Variants in MROH1 observed in about 807,000 individuals in gnomAD.
The protein encoded by MROH1 is maestro heat-like repeat-containing protein family member 1.
In MROH1, 117 loss-of-function variants were observed where a neutral mutation model predicts 116.5. The ratio of observed to expected loss-of-function variants is 1.00; its 90% CI spans 0.86 to 1.17. The LOEUF (loss-of-function observed/expected upper bound fraction) is 1.17, where lower values mean the gene tolerates loss of function less well. Ranked by LOEUF, MROH1 falls within the 50% of genes most tolerant of loss-of-function variation. MROH1 has a pLI of 0.00. For missense variants in MROH1, 1,873 were observed against 1,338.5 expected, an observed-to-expected ratio of 1.40 and a Z score of -6.23; for synonymous variants, 921 against 583.9, an observed-to-expected ratio of 1.58 and a Z score of -8.32.
intron 4 of MROH1, among the ~76,000 whole-genome samples, chr8:144,170,393 C>T (rs892590070): frequency 4.6e-5 from 7 of 152,212 alleles, no homozygotes; most frequent in African/African-American, 1.7e-4. Flanking sequence ...GAAGCACTGA[C>T]CCTGTGGGCT....
rs544441490 is a variant in MROH1, at chr8:144,173,304, C to T, written c.168+4864C>T. 6.5e-4 allele frequency among the ~76,000 whole-genome samples: 98 copies of T among 151,810 alleles called. 4 individuals carry two copies. The highest frequency in any genetic ancestry group is 5.9e-4 in the Admixed American group (9 of 15,238). ...TGTAGTTTTAGTAGAGATTGGGTTT[C>T]GCCATGTTGGCCAGGTTGGTCATGA... On this transcript the variant is annotated intron_variant, in intron 4 of 43. Coordinates refer to ENST00000326134, the MANE Select transcript of MROH1 (RefSeq NM_032450.3).
At chr8:144,261,253 G>A (rs896179138) in intron 42 of MROH1, 31 bp from the exon 43 acceptor site, 6,634 of 529,132 alleles carry the variant, frequency 0.013, 39 homozygotes, top group Middle Eastern at 0.022. Flanking sequence ...CACGCCGCCC[G>A]GCAGCCCCGC....
chr8:144,232,470 G>A (rs145605495), intron 14 of MROH1, among the ~76,000 whole-genome samples: 6,955 of 148,196 alleles, frequency 0.047, 590 homozygotes, highest in African/African-American at 0.17. Context: ...TGCTTTGTTT[G>A]TTTGTTTATT....
chr8:144,183,257 C>T (rs1417443815), intron 7 of MROH1, among the ~76,000 whole-genome samples: 1 of 150,836 alleles, frequency 6.6e-6, no homozygotes, highest in Non-Finnish European at 1.5e-5. Flanking sequence ...TAGCACATGC[C>T]TGTATTCCAG....
At chr8:144,156,241 G>GAAAA (rs1218482716) in intron 1 of MROH1, among the ~76,000 whole-genome samples, 1 of 58,492 alleles carries the variant, frequency 1.7e-5, no homozygotes, top group Non-Finnish European at 4.3e-5. Flanking sequence ...CCGTCTCAAA[G>GAAAA]AAAAAAAAAA....
intron 14 of MROH1, among the ~76,000 whole-genome samples, chr8:144,231,865 G>GTCA (rs1838954860): frequency 6.6e-6 from 1 of 152,214 alleles, no homozygotes; most frequent in Non-Finnish European, 1.5e-5. Flanking sequence ...GTGAAACAAC[G>GTCA]TCACGCCCGA....
chr8:144,226,257 C>T (rs73368466), intron 14 of MROH1, among the ~76,000 whole-genome samples: 1,974 of 152,038 alleles, frequency 0.013, 44 homozygotes, highest in African/African-American at 0.045. Context: ...GTTTGAGGCT[C>T]GTTTTTTTGC....
chr8:144,209,197 T>A (rs1312492477), intron 12 of MROH1, among the ~76,000 whole-genome samples: 3 of 152,036 alleles, frequency 2.0e-5, no homozygotes, highest in African/African-American at 7.3e-5. Context: ...GTTTCTCAGT[T>A]GTTTTAGTTT....
At chr8:144,236,679 G>A (rs992832284) in intron 14 of MROH1, among the ~76,000 whole-genome samples, 13 of 151,648 alleles carry the variant, frequency 8.6e-5, no homozygotes, top group African/African-American at 3.1e-4. Flanking sequence ...GGAGGCAGAG[G>A]TTGCAGTGAG....
chr8:144,248,747 G>T, intron 31 of MROH1, 130 bp from the exon 32 acceptor site: 3 of 696,226 alleles, frequency 4.3e-6, no homozygotes, highest in Non-Finnish European at 8.0e-6. Flanking sequence ...AGGGCCCAGC[G>T]GCTGGGGCCC....
At chr8:144,176,965 C>G (rs1431023888) in intron 4 of MROH1, among the ~76,000 whole-genome samples, 1 of 152,152 alleles carries the variant, frequency 6.6e-6, no homozygotes, top group Non-Finnish European at 1.5e-5. Context: ...CCCCACCTGC[C>G]TCACTCTTGC....
chr8:144,151,381 G>A (rs1204439023), intron 1 of MROH1, among the ~76,000 whole-genome samples: 1 of 152,068 alleles, frequency 6.6e-6, no homozygotes, highest in African/African-American at 2.4e-5. Flanking sequence ...CACGCCAGTG[G>A]AAGAACACAC....
At chr8:144,178,811 T>C (rs1824784174) in intron 4 of MROH1, among the ~76,000 whole-genome samples, 1 of 152,180 alleles carries the variant, frequency 6.6e-6, no homozygotes, top group Admixed American at 6.5e-5. Context: ...GGGTCCCAGC[T>C]TTCAGTCCCA....
intron 14 of MROH1, among the ~76,000 whole-genome samples, chr8:144,236,646 G>A (rs1015699095): frequency 1.3e-5 from 2 of 151,858 alleles, no homozygotes; most frequent in Non-Finnish European, 2.9e-5. Flanking sequence ...GGGAGGCTGA[G>A]GGAGGAGAAT....
At chr8:144,154,428 G>A (rs1184363582) in intron 1 of MROH1, among the ~76,000 whole-genome samples, 1 of 151,984 alleles carries the variant, frequency 6.6e-6, no homozygotes, top group Non-Finnish European at 1.5e-5. Context: ...ACTTTGTATG[G>A]GTCCCATGGT....
rs1588563692 is a variant in MROH1 at position 144,259,938 on chromosome 8, C to T, written c.4072C>T (p.Leu1358Phe). ...GCTGAACAGCAACGTGGCCAACGACCTCATGCTCTTGGACTCGCTGCTGGA... is the reference window on the plus strand; with the variant it reads ...GCTGAACAGCAACGTGGCCAACGACTTCATGCTCTTGGACTCGCTGCTGGA... ...ELLNSNVANDLMLLDSLLESL... is the reference protein window; with the variant it reads ...ELLNSNVANDFMLLDSLLESL... The change falls in exon 38 of 44, where the codon CTC becomes TTC. Residue 1358 changes from leucine to phenylalanine, a missense_variant. Leu to Phe is a conservative substitution (Grantham distance 22). Coordinates refer to ENST00000326134, the MANE Select transcript of MROH1 (RefSeq NM_032450.3). 2.7e-6 allele frequency: 2 copies of T among 743,438 alleles called. No homozygotes were observed. Among genetic ancestry groups the T allele is most frequent in the Non-Finnish European group, 2.5e-6 (1 of 400,088 alleles). The allele number at this position is 743,438 out of a possible 1,614,324, so 46.1% of individuals were successfully genotyped here.
chr8:144,163,934 C>T lies in MROH1; in HGVS notation c.22+86C>T. 1 of 1,439,012 alleles carries T rather than the reference C, an allele frequency of 6.9e-7. No homozygotes were observed. The highest frequency in any genetic ancestry group is 9.7e-7 in the Non-Finnish European group (1 of 1,033,314). The allele number at this position is 1,439,012 out of a possible 1,614,324, so 89.1% of individuals were successfully genotyped here. A position where few individuals can be genotyped will look rare whatever the true frequency, so the allele number is the denominator to read the frequency against. ...GGGCAGGCCAAGGCTCTTACCAGCT[C>T]CAATGGTGCCTAGAGTTTCCACCCT... On this transcript the variant is annotated intron_variant, in intron 3 of 43. Transcript: ENST00000326134. The surrounding 1 kb of genome is among the most constrained non-coding windows in gnomAD (Gnocchi z 4.4).
chr8:144,258,963 G>A (rs1054301222), intron 36 of MROH1, 49 bp downstream of exon 36: 27 of 685,738 alleles, frequency 3.9e-5, no homozygotes, highest in South Asian at 1.4e-4. Flanking sequence ...GGGCTCCACC[G>A]GATCTCGAGC....
Position 144,254,931 on chromosome 8 carries a change from C to T in MROH1, c.3547C>T (p.Leu1183=). The T allele has an allele frequency of 1.3e-6, 1 of 776,032 alleles. No homozygotes were observed. Among genetic ancestry groups the T allele is most frequent in the Non-Finnish European group, 2.4e-6 (1 of 416,932 alleles). The allele number at this position is 776,032 out of a possible 1,614,324, so 48.1% of individuals were successfully genotyped here. The part of the protein sequence containing the change: ...DVPFKESRAF[L]LGRTPDRVAT... The stretch of plus-strand genomic sequence containing the variant: ...CCCTTTCAAGGAGAGCCGGGCCTTC[C>T]TGCTGGGCCGCACCCCAGACCGCGT... The change falls in exon 34 of 44, where the codon CTG becomes TTG. Residue 1183 remains leucine (L), a synonymous_variant. Coordinates refer to ENST00000326134, the MANE Select transcript of MROH1 (RefSeq NM_032450.3).
Sources: gnomAD v4.1 joint callset for allele counts (sites outside exome capture counted in the v4.1 genomes callset) on GRCh38, gnomAD v4.1.1 for gene constraint, Gnocchi (gnomAD v3.1) non-coding constraint, MANE v1.5 for transcripts, NCBI Gene and HGNC (gene_info 2026-07-23, HGNC 2026-07-21) for gene names.